Variants in PLK1 observed in about 807,000 individuals in gnomAD.
PLK1 encodes the protein serine/threonine-protein kinase PLK1.
A neutral mutation model predicts 56.7 loss-of-function variants in PLK1; 6 were observed. That is an observed-to-expected ratio of 0.11 (90% CI 0.06 to 0.21). The LOEUF (loss-of-function observed/expected upper bound fraction) is 0.21, where lower values mean the gene tolerates loss of function less well. PLK1 is among the 10% of genes least tolerant of loss of function. The pLI, the probability that PLK1 is intolerant of heterozygous loss-of-function variation, is 1.00. For synonymous variants in PLK1, 298 were observed against 325.0 expected (o/e 0.92, Z 0.89); for missense variants, 546 against 814.4 (o/e 0.67, Z 4.01).
In PLK1 at chr16:23,689,664, C is replaced by G; in HGVS notation, c.1596C>G (p.Ile532Met). ...ILHLSNGSVQINFFQDHTKLI... is the reference protein window; with the variant it reads ...ILHLSNGSVQMNFFQDHTKLI... ...ACCTCAGCAACGGCAGCGTGCAGAT[C>G]AACTTCTTCCAGGTGAGCTGGAGGT... Residue 532 changes from isoleucine to methionine, a missense_variant, in exon 9 of 10, where the codon ATC becomes ATG. Transcript: ENST00000300093. The surrounding 1 kb of genome is among the most constrained non-coding windows in gnomAD (Gnocchi z 4.8). 1 of 1,602,598 alleles carries G rather than the reference C, an allele frequency of 6.2e-7. No homozygotes were observed. The highest frequency in any genetic ancestry group is 8.5e-7 in the Non-Finnish European group (1 of 1,174,030).
intron 5 of PLK1, among the ~76,000 whole-genome samples, chr16:23,685,103 T>G (rs1163869794): frequency 2.0e-5 from 3 of 151,632 alleles, no homozygotes; most frequent in Admixed American, 1.3e-4. Flanking sequence ...ACTTTTTTTC[T>G]CTGTGGATAT....
rs1260213034 is a variant in PLK1, at chr16:23,679,049, G to C, written c.117G>C (p.Glu39Asp). 3 of 1,607,744 alleles carry C rather than the reference G, an allele frequency of 1.9e-6. No individual in the cohort carries two copies. The highest frequency in any genetic ancestry group is 2.6e-6 in the Non-Finnish European group (3 of 1,175,980). Residue 39 changes from glutamate (E) to aspartate (D), a missense_variant, in exon 1 of 10, where the codon GAG becomes GAC. Glu to Asp is a conservative substitution (Grantham distance 45, BLOSUM62 2). This residue lies in a region of PLK1 where 72 missense variants were observed against 63.7 expected (regional missense o/e 1.13). Coordinates refer to ENST00000300093, the MANE Select transcript of PLK1 (RefSeq NM_005030.6). ...GAPAAAPPAK[E>D]IPEVLVDPRS... The stretch of plus-strand genomic sequence containing the variant: ...CGGCGGCGGCTCCACCGGCGAAAGA[G>C]ATCCCGGAGGTCCTAGTGGACCCAC...
rs200843318 is a variant in PLK1, at chr16:23,687,601, C to T, written c.1169C>T (p.Ser390Leu). The change falls in exon 6 of 10, where the codon TCG becomes TTG. Residue 390 changes from serine to leucine, a missense_variant. This residue lies in a region of PLK1 where 157 missense variants were observed against 184.0 expected (regional missense o/e 0.85). Coordinates refer to ENST00000300093, the MANE Select transcript of PLK1 (RefSeq NM_005030.6). ...QLHSVNASKPSERGLVRQEEA... is the reference protein window; with the variant it reads ...QLHSVNASKPLERGLVRQEEA... Reference sequence around the variant, plus strand: ...CACAGTGTCAATGCCTCCAAGCCCTCGGAGCGTGGGCTGGTCAGGCAAGGT... The same window carrying T: ...CACAGTGTCAATGCCTCCAAGCCCTTGGAGCGTGGGCTGGTCAGGCAAGGT... The T allele has an allele frequency of 3.9e-5, 62 of 1,592,578 alleles. No homozygotes were observed. In the Middle Eastern group the frequency reaches 6.7e-4, roughly 17 times the overall value.
rs763446125 is a variant in PLK1, at chr16:23,689,414, G to T, written c.1425+22G>T. On this transcript the variant is annotated intron_variant, in intron 8 of 9. Coordinates refer to ENST00000300093, the MANE Select transcript of PLK1 (RefSeq NM_005030.6). This position sits in a 1 kb window ranked among gnomAD's most constrained non-coding sequence, Gnocchi z 4.8. ...GAAGGTGAGTGCCGTCCGGCCCATG[G>T]GGGGTGGTGTTGCAGAAGTGGGACC... The T allele has an allele frequency of 1.2e-6, 2 of 1,602,828 alleles. No individual in the cohort carries two copies. The highest frequency in any genetic ancestry group is 1.7e-6 in the Non-Finnish European group (2 of 1,170,384).
In PLK1 at chr16:23,679,164, G is replaced by T; in HGVS notation, c.232G>T (p.Val78Leu). The T allele has an allele frequency of 6.2e-7, 1 of 1,613,996 alleles. No individual in the cohort carries two copies. The highest frequency in any genetic ancestry group is 8.5e-7 in the Non-Finnish European group (1 of 1,179,966). ...GATCTCGGACGCGGACACCAAGGAG[G>T]TGTTCGCGGGCAAGATTGTGCCTAA... ...FEISDADTKE[V>L]FAGKIVPKSL... Residue 78 changes from valine to leucine, a missense_variant, in exon 1 of 10, where the codon GTG becomes TTG. Around this residue, in one of 7 missense-constraint regions of PLK1, gnomAD observed 111 missense variants for 211.8 expected, o/e 0.52. Coordinates refer to ENST00000300093, the MANE Select transcript of PLK1 (RefSeq NM_005030.6).
At chr16:23,680,391 A>T in intron 2 of PLK1, 139 bp downstream of exon 2, 1 of 642,706 alleles carries the variant, frequency 1.6e-6, no homozygotes, top group Non-Finnish European at 2.7e-6. Context: ...CCCCAATGCA[A>T]TATTTTTTTT....
intron 4 of PLK1, among the ~76,000 whole-genome samples, chr16:23,683,194 G>A (rs534714847): frequency 4.6e-5 from 7 of 151,716 alleles, no homozygotes; most frequent in African/African-American, 1.2e-4. Context: ...GGGTTTGACC[G>A]TGTTAGCCAG....
At position 23,687,549 on chromosome 16, in the gene PLK1, C is replaced by T. The variant is rs531192640; in HGVS notation, c.1117C>T (p.His373Tyr). ...VRETGEVVDC[H>Y]LSDMLQQLHS... ...AGAGACAGGTGAGGTGGTCGACTGC[C>T]ACCTCAGTGACATGCTGCAGCAGCT... The change falls in exon 6 of 10, where the codon CAC becomes TAC. Residue 373 changes from histidine to tyrosine, a missense_variant. This residue lies in a region of PLK1 where 157 missense variants were observed against 184.0 expected (regional missense o/e 0.85). Transcript: ENST00000300093. The T allele has an allele frequency of 1.9e-5, 31 of 1,605,068 alleles. No homozygotes were observed. In the South Asian group the frequency reaches 3.2e-4, roughly 17 times the overall value.
At chr16:23,687,654 G>C (rs1959451055) in intron 6 of PLK1, 30 bp downstream of exon 6, 4 of 1,489,598 alleles carry the variant, frequency 2.7e-6, no homozygotes, top group Admixed American at 2.1e-5. Flanking sequence ...GGGCGGGGCA[G>C]GATTGCTTGG....
chr16:23,689,446 G>A lies in PLK1; in HGVS notation c.1426-48G>A. The A allele has an allele frequency of 6.2e-7, 1 of 1,600,438 alleles. No homozygotes were observed. Among genetic ancestry groups the A allele is most frequent in the Non-Finnish European group, 8.6e-7 (1 of 1,168,618 alleles). On this transcript the variant is annotated intron_variant, in intron 8 of 9. Transcript: ENST00000300093. The surrounding 1 kb of genome is among the most constrained non-coding windows in gnomAD (Gnocchi z 4.8). ...GTGTTGCAGAAGTGGGACCTGTGCT[G>A]GAGGATCAGACTCTAATTCTGGAAC...
chr16:23,680,845 C>A, intron 2 of PLK1, 69 bp from the exon 3 acceptor site: 1 of 1,478,424 alleles, frequency 6.8e-7, no homozygotes, highest in Non-Finnish European at 9.2e-7. Flanking sequence ...CAAACCTTAA[C>A]TAGCCTTCTG....
At chr16:23,683,234 C>T (rs113119802) in intron 4 of PLK1, among the ~76,000 whole-genome samples, 5,132 of 152,090 alleles carry the variant, frequency 0.034, 108 homozygotes, top group Middle Eastern at 0.096. Context: ...CCTTGTGATC[C>T]ACCTGCTTCG....
chr16:23,684,823 GT>G lies in PLK1; in HGVS notation c.1036+741del, dbSNP rs926531360. On this transcript the variant is annotated intron_variant, in intron 5 of 9. Coordinates refer to ENST00000300093, the MANE Select transcript of PLK1 (RefSeq NM_005030.6). The stretch of plus-strand genomic sequence containing the variant: ...CAGGCGCCCACCACCATGCCCGGCT[GT>G]TTTTTTGTATCTTTTAGTAGAGACG... 2.6e-5 allele frequency among the ~76,000 whole-genome samples: 4 copies of G among 151,722 alleles called. No individual in the cohort carries two copies. The South Asian group carries it at 8.3e-4, about 32-fold the overall frequency.
intron 5 of PLK1, among the ~76,000 whole-genome samples, chr16:23,685,601 G>A (rs1219195607): frequency 1.3e-5 from 2 of 151,884 alleles, no homozygotes; most frequent in Non-Finnish European, 2.9e-5. Context: ...TCAGCTACTC[G>A]GGACACTGAG....
At position 23,680,160 on chromosome 16, in the gene PLK1, T is replaced by A; in HGVS notation, c.485T>A (p.Leu162His). ...CGATACTACCTACGGCAAATTGTGC[T>A]TGGCTGCCAGTACCTGCACCGAAAC... is the stretch of plus-strand genomic sequence containing the variant. ...EARYYLRQIV[L>H]GCQYLHRNRV... is the part of the protein sequence containing the mutation. Residue 162 changes from leucine to histidine, a missense_variant, in exon 2 of 10, where the codon CTT becomes CAT. By Grantham distance (99) the Leu-to-His change is moderately conservative. Transcript: ENST00000300093. The A allele has an allele frequency of 6.2e-7, 1 of 1,613,978 alleles. No homozygotes were observed. The highest frequency in any genetic ancestry group is 8.5e-7 in the Non-Finnish European group (1 of 1,179,910).
At chr16:23,685,952 T>C (rs758302831) in intron 5 of PLK1, among the ~76,000 whole-genome samples, 1 of 152,220 alleles carries the variant, frequency 6.6e-6, no homozygotes, top group African/African-American at 2.4e-5. Flanking sequence ...CCGATTGATT[T>C]ATTTATTTGG....
chr16:23,682,234 G>A (rs1959344070), intron 4 of PLK1, 77 bp downstream of exon 4: 1 of 813,590 alleles, frequency 1.2e-6, no homozygotes, highest in East Asian at 2.4e-5. Context: ...AATATCCTAG[G>A]ACCAGAAATA....
At chr16:23,684,208 C>T in intron 5 of PLK1, 119 bp downstream of exon 5, 1 of 727,514 alleles carries the variant, frequency 1.4e-6, no homozygotes, top group Non-Finnish European at 2.4e-6. Flanking sequence ...AGGCCTCTGT[C>T]CTTCAATCCG....
chr16:23,685,709 A>G (rs1299761083), intron 5 of PLK1, among the ~76,000 whole-genome samples: 1 of 149,474 alleles, frequency 6.7e-6, no homozygotes, highest in Non-Finnish European at 1.5e-5. Context: ...CTCTGTCTCA[A>G]AAAAAAAAAA....
Sources: allele counts gnomAD v4.1 joint callset (sites outside exome capture counted in the v4.1 genomes callset), GRCh38; gene constraint gnomAD v4.1.1; regional missense constraint gnomAD v4.1.1; non-coding constraint Gnocchi (gnomAD v3.1); transcripts MANE v1.5; gene names NCBI Gene and HGNC (gene_info 2026-07-23, HGNC 2026-07-21).